GPHN: variants seen among roughly 807,000 people sequenced by gnomAD.
GPHN encodes the protein gephyrin.
In GPHN, 17 loss-of-function variants were observed where a neutral mutation model predicts 95.5. The ratio of observed to expected loss-of-function variants is 0.18; its 90% CI spans 0.12 to 0.27. The LOEUF (loss-of-function observed/expected upper bound fraction) is 0.27, where lower values mean the gene tolerates loss of function less well. GPHN is among the 10% of genes least tolerant of loss of function. The pLI is 1.00. For missense variants in GPHN, 660 were observed against 978.1 expected (o/e 0.67, Z 4.34); for synonymous variants, 320 against 322.5 (o/e 0.99, Z 0.08).
At chr14:67,387,146 TGAA>T in the GPHN span, 3 of 523,724 alleles carry the variant, frequency 5.7e-6, no homozygotes, top group Non-Finnish European at 9.8e-6. Context: ...GTTTGTAACA[TGAA>T]GATGGGGAAG....
At chr14:66,619,212 A>G (rs1277625487) in intron 1 of GPHN, among the ~76,000 whole-genome samples, 1 of 152,172 alleles carries the variant, frequency 6.6e-6, no homozygotes, top group Non-Finnish European at 1.5e-5. Flanking sequence ...TTGTATAGAC[A>G]TTTACTTTTT....
At chr14:67,310,294 T>C in the GPHN span, among the ~76,000 whole-genome samples, 71 of 152,290 alleles carry the variant, frequency 4.7e-4, 1 homozygote, top group Middle Eastern at 0.017. Flanking sequence ...TTAGGGCACT[T>C]TGCATTTAGG....
the GPHN span, among the ~76,000 whole-genome samples, chr14:67,572,728 C>A: frequency 6.6e-6 from 1 of 152,154 alleles, no homozygotes; most frequent in Non-Finnish European, 1.5e-5. Context: ...CAAGCTGTGC[C>A]ACTACATGCC....
the GPHN span, chr14:67,589,672 C>T: frequency 4.5e-4 from 447 of 990,592 alleles, 3 homozygotes; most frequent in African/African-American, 7.3e-3. Context: ...TTGTTTTTTT[C>T]GTAACTTTAC....
intron 10 of GPHN, among the ~76,000 whole-genome samples, chr14:67,052,274 CAAAT>C (rs978250428): frequency 6.7e-5 from 10 of 148,456 alleles, no homozygotes; most frequent in African/African-American, 2.2e-4. Context: ...TTTTACCAAG[CAAAT>C]AGCAGAGAAA....
At chr14:66,649,791 C>T (rs964878213) in intron 1 of GPHN, among the ~76,000 whole-genome samples, 5 of 152,248 alleles carry the variant, frequency 3.3e-5, no homozygotes, top group South Asian at 2.1e-4. Context: ...CTGCATCTGA[C>T]GTCAAGCTTT....
chr14:67,268,570 T>C, the GPHN span, among the ~76,000 whole-genome samples: 5 of 152,158 alleles, frequency 3.3e-5, no homozygotes, highest in Non-Finnish European at 7.3e-5. Flanking sequence ...GAACTGAGGG[T>C]TCCTCCCCTT....
rs966668853 is a variant in GPHN, at chr14:66,791,232, C to T, written c.201+14711C>T. ...ACTGAAAGTCGGCCAATCAGTGCTG[C>T]AGTCTATTTCCTTTGGGTTGGGGGT... On this transcript the variant is annotated intron_variant, in intron 3 of 22. Coordinates refer to ENST00000478722, the MANE Select transcript of GPHN (RefSeq NM_020806.5). 4.1e-4 allele frequency among the ~76,000 whole-genome samples: 62 copies of T among 152,176 alleles called. 1 individual carries two copies. Among genetic ancestry groups the T allele is most frequent in the Non-Finnish European group, 1.6e-4 (11 of 68,030 alleles).
At chr14:67,228,866 A>G in the GPHN span, among the ~76,000 whole-genome samples, 2 of 152,196 alleles carry the variant, frequency 1.3e-5, no homozygotes, top group Non-Finnish European at 2.9e-5. Context: ...GACAGTATTT[A>G]TTGAATCAGT....
intron 20 of GPHN, 30 bp from the exon 21 acceptor site, chr14:67,168,903 A>G: frequency 7.4e-7 from 1 of 1,344,354 alleles, no homozygotes; most frequent in Non-Finnish European, 1.1e-6. Flanking sequence ...TACACAGTGT[A>G]TTATAAATAA....
chr14:66,960,284 T>TTC (rs1031956826), intron 8 of GPHN, among the ~76,000 whole-genome samples: 1 of 151,334 alleles, frequency 6.6e-6, no homozygotes, highest in Non-Finnish European at 1.5e-5. Flanking sequence ...TTCTTTTCTT[T>TTC]TTTTTTTTCC....
At chr14:66,923,556 AAT>A (rs2066329010) in intron 7 of GPHN, among the ~76,000 whole-genome samples, 1 of 152,132 alleles carries the variant, frequency 6.6e-6, no homozygotes, top group Non-Finnish European at 1.5e-5. Context: ...TCCATGGGTA[AAT>A]ATACTACCAT....
At chr14:66,659,650 A>AT (rs529691977) in intron 1 of GPHN, among the ~76,000 whole-genome samples, 3 of 151,862 alleles carry the variant, frequency 2.0e-5, no homozygotes, top group Non-Finnish European at 2.9e-5. Context: ...CGATGGATTA[A>AT]TTTTTTTATC....
the GPHN span, chr14:67,345,882 C>G: frequency 8.3e-6 from 13 of 1,561,720 alleles, no homozygotes; most frequent in South Asian, 2.3e-5. Flanking sequence ...CTGAAAGGAC[C>G]AGTCAGACAA....
chr14:66,681,135 A>G lies in GPHN; in HGVS notation c.93A>G (p.Ala31=). The G allele has an allele frequency of 6.3e-7, 1 of 1,599,318 alleles. No individual in the cohort carries two copies. The highest frequency in any genetic ancestry group is 8.6e-7 in the Non-Finnish European group (1 of 1,167,802). ...GTGATAGTTGCTTCAGGAATCTTGCAGAAGACCGCAGTGGGATAAATCTCA... is the reference window on the plus strand; with the variant it reads ...GTGATAGTTGCTTCAGGAATCTTGCGGAAGACCGCAGTGGGATAAATCTCA... ...TVSDSCFRNL[A]EDRSGINLKD... The change falls in exon 2 of 23, where the codon GCA becomes GCG. Residue 31 remains alanine (A), a synonymous_variant. Transcript: ENST00000478722.
chr14:66,719,077 T>C (rs2070479670), intron 2 of GPHN, among the ~76,000 whole-genome samples: 1 of 152,200 alleles, frequency 6.6e-6, no homozygotes, highest in Non-Finnish European at 1.5e-5. Flanking sequence ...GCACCAAGTC[T>C]GTTTCCAGGC....
chr14:66,728,240 G>A (rs544069781), intron 2 of GPHN, among the ~76,000 whole-genome samples: 73 of 152,218 alleles, frequency 4.8e-4, no homozygotes, highest in African/African-American at 1.6e-3. Context: ...GAAGTTTGCT[G>A]CAGGGGTGGG....
chr14:66,715,219 T>C (rs2070055858), intron 2 of GPHN, among the ~76,000 whole-genome samples: 1 of 152,168 alleles, frequency 6.6e-6, no homozygotes, highest in Non-Finnish European at 1.5e-5. Flanking sequence ...GTTGTATCTT[T>C]CCAGGGAATT....
At chr14:67,027,894 C>G (rs1015860203) in intron 10 of GPHN, among the ~76,000 whole-genome samples, 2 of 152,034 alleles carry the variant, frequency 1.3e-5, no homozygotes, top group African/African-American at 4.8e-5. Context: ...CATTTCAAAT[C>G]CTATATTATA....
Sources: allele counts gnomAD v4.1 joint callset (sites outside exome capture counted in the v4.1 genomes callset), GRCh38; gene constraint gnomAD v4.1.1; transcripts MANE v1.5; gene names NCBI Gene and HGNC (gene_info 2026-07-23, HGNC 2026-07-21).